The following AGMO variants were observed in gnomAD, a reference collection of about 807,000 sequenced individuals.
AGMO encodes the protein alkylglycerol monooxygenase.
Under a neutral mutation model 60.2 loss-of-function variants are expected in AGMO, and 75 were observed. The ratio of observed to expected loss-of-function variants is 1.25; its 90% CI spans 1.03 to 1.51. The LOEUF is 1.51. AGMO is among the 40% of genes most tolerant of loss of function. The pLI, the probability that AGMO is intolerant of heterozygous loss-of-function variation, is 0.00. For synonymous variants in AGMO, 261 were observed against 177.1 expected (o/e 1.47, Z -3.76); for missense variants, 763 against 525.5 (o/e 1.45, Z -4.42).
In AGMO at chr7:15,201,148, T is replaced by C. The variant is rs940662883; in HGVS notation, c.*137A>G. 1.9e-6 allele frequency: 1 copy of C among 535,656 alleles called. No individual in the cohort carries two copies. Among genetic ancestry groups the C allele is most frequent in the Non-Finnish European group, 3.0e-6 (1 of 328,304 alleles). 33.2% of individuals were successfully genotyped at this position (535,656 alleles called of 1,614,324 possible). A position where few individuals can be genotyped will look rare whatever the true frequency, so the allele number is the denominator to read the frequency against. On this transcript the variant is annotated 3_prime_UTR_variant, in exon 13 of 13. Transcript: ENST00000342526. ...AATAACAAATGTGAAAGGCAAACAA[T>C]AGTAAATAAGTAATTTTACTTTTCA...
Position 15,324,800 on chromosome 7 carries a change from C to T in AGMO, c.1263+40714G>A, listed in dbSNP as rs80100186. Reference sequence around the variant, plus strand: ...TGTGCATTTCACAATAGAGTTCGAGCTCCCATGAGAATCTAATGTCACCAC... The same window carrying T: ...TGTGCATTTCACAATAGAGTTCGAGTTCCCATGAGAATCTAATGTCACCAC... On this transcript the variant is annotated intron_variant, in intron 12 of 12. Coordinates refer to ENST00000342526, the MANE Select transcript of AGMO (RefSeq NM_001004320.2). Among the ~76,000 whole-genome samples the T allele has an allele frequency of 0.014, 2,070 of 152,160 alleles. 126 individuals are homozygous for T. The East Asian group carries it at 0.22, about 16-fold the overall frequency.
intron 3 of AGMO, among the ~76,000 whole-genome samples, chr7:15,473,833 G>C (rs937881026): frequency 5.3e-5 from 8 of 152,050 alleles, no homozygotes; most frequent in Admixed American, 2.0e-4. Context: ...AAAATCTTAA[G>C]CTGATAAGCA....
At chr7:15,226,121 A>C (rs1782073805) in intron 12 of AGMO, among the ~76,000 whole-genome samples, 1 of 151,946 alleles carries the variant, frequency 6.6e-6, no homozygotes, top group African/African-American at 2.4e-5. Context: ...AGCCTTTCTC[A>C]CCTTAGATTT....
chr7:15,150,470 T>C, the AGMO span, among the ~76,000 whole-genome samples: 1 of 152,150 alleles, frequency 6.6e-6, no homozygotes, highest in Non-Finnish European at 1.5e-5. Context: ...TATTTTGAGG[T>C]ATGTTCCTTC....
chr7:15,375,275 G>C (rs1010788925), intron 10 of AGMO, among the ~76,000 whole-genome samples: 1 of 151,114 alleles, frequency 6.6e-6, no homozygotes, highest in African/African-American at 2.4e-5. Flanking sequence ...TTCTTACTAA[G>C]AAACAAGTGG....
chr7:15,136,591 C>T, the AGMO span, among the ~76,000 whole-genome samples: 4 of 152,072 alleles, frequency 2.6e-5, no homozygotes, highest in African/African-American at 9.7e-5. Context: ...GGTCCAAAAT[C>T]TCAGTCTCTG....
At chr7:15,529,475 C>T (rs996502959) in intron 3 of AGMO, among the ~76,000 whole-genome samples, 2 of 140,030 alleles carry the variant, frequency 1.4e-5, no homozygotes, top group Admixed American at 7.8e-5. Flanking sequence ...TCAGGTTCTA[C>T]CCCCTAGAGA....
rs140041982 is a variant in AGMO at position 15,441,845 on chromosome 7, C to T, written c.410-10737G>A. The stretch of plus-strand genomic sequence containing the variant: ...ATAGAGAAAAAAAGAGCACTGAAAT[C>T]ACTAGGTAGAAAGTAACTGCAATCT... On this transcript the variant is annotated intron_variant, in intron 3 of 12. Coordinates refer to ENST00000342526, the MANE Select transcript of AGMO (RefSeq NM_001004320.2). Among the ~76,000 whole-genome samples the T allele has an allele frequency of 4.1e-3, 625 of 152,264 alleles. 1 individual carries two copies. Among genetic ancestry groups the T allele is most frequent in the African/African-American group, 0.015 (606 of 41,546 alleles).
Position 15,270,524 on chromosome 7 carries a change from T to A in AGMO, c.1264-69165A>T, listed in dbSNP as rs188910566. On this transcript the variant is annotated intron_variant, in intron 12 of 12. Coordinates refer to ENST00000342526, the MANE Select transcript of AGMO (RefSeq NM_001004320.2). The stretch of plus-strand genomic sequence containing the variant: ...GTTCCTCACATATTCTGGATATTAG[T>A]CCTTTGTTGCAAGCATAATTTGCAA... 1.1e-4 allele frequency among the ~76,000 whole-genome samples: 17 copies of A among 151,316 alleles called. 1 individual carries two copies. In the East Asian group the frequency reaches 3.3e-3, roughly 29 times the overall value.
At chr7:15,271,297 T>A (rs1168408961) in intron 12 of AGMO, among the ~76,000 whole-genome samples, 1 of 152,136 alleles carries the variant, frequency 6.6e-6, no homozygotes, top group Non-Finnish European at 1.5e-5. Flanking sequence ...TTCCATCCCA[T>A]CATATGGGAT....
chr7:15,181,244 C>T, the AGMO span, among the ~76,000 whole-genome samples: 1 of 152,294 alleles, frequency 6.6e-6, no homozygotes, highest in East Asian at 1.9e-4. Flanking sequence ...AAGGAGGTAT[C>T]ATCTGGCTAT....
intron 3 of AGMO, among the ~76,000 whole-genome samples, chr7:15,529,764 TTCTC>T (rs1396079391): frequency 1.7e-5 from 2 of 115,398 alleles, no homozygotes; most frequent in African/African-American, 3.5e-5. Context: ...ATATATATAT[TTCTC>T]TATATATATT....
chr7:15,232,801 GCA>G (rs71004371), intron 12 of AGMO, among the ~76,000 whole-genome samples: 22,995 of 146,928 alleles, frequency 0.16, 2,307 homozygotes, highest in African/African-American at 0.29. Context: ...ACACACACAC[GCA>G]CACACACACA....
At chr7:15,307,960 G>T (rs1780662996) in intron 12 of AGMO, among the ~76,000 whole-genome samples, 1 of 151,798 alleles carries the variant, frequency 6.6e-6, no homozygotes, top group Admixed American at 6.6e-5. Flanking sequence ...AGTTCCTAAC[G>T]CCTAATGGTT....
chr7:15,145,758 A>T, the AGMO span, among the ~76,000 whole-genome samples: 1 of 152,168 alleles, frequency 6.6e-6, no homozygotes, highest in Non-Finnish European at 1.5e-5. Flanking sequence ...TTTTGAGGAT[A>T]TTCTGTAACA....
At position 15,418,570 on chromosome 7, in the gene AGMO, C is replaced by G; in HGVS notation, c.597G>C (p.Trp199Cys). 1 of 1,586,796 alleles carries G rather than the reference C, an allele frequency of 6.3e-7. No homozygotes were observed. The highest frequency in any genetic ancestry group is 8.6e-7 in the Non-Finnish European group (1 of 1,167,434). Residue 199 changes from tryptophan to cysteine, a missense_variant, in exon 5 of 13, where the codon TGG becomes TGC. By Grantham distance (215) the Trp-to-Cys change is radical (BLOSUM62 -2). Transcript: ENST00000342526. ...AAAAAAGTTTTACCTCTGTATGGAT[C>G]CAAAATTGGTAAAGAAGATTGAATT... The part of the protein sequence containing the change: ...HLQFNLLYQF[W>C]IHTEVINNLG...
At chr7:15,271,325 T>C (rs915233103) in intron 12 of AGMO, among the ~76,000 whole-genome samples, 8 of 152,184 alleles carry the variant, frequency 5.3e-5, no homozygotes, top group Admixed American at 5.2e-4. Flanking sequence ...CATTTGTTTA[T>C]GTCATCTGCA....
At chr7:15,335,403 T>G (rs1313963293) in intron 12 of AGMO, among the ~76,000 whole-genome samples, 1 of 152,188 alleles carries the variant, frequency 6.6e-6, no homozygotes, top group Admixed American at 6.5e-5. Flanking sequence ...GTGATCTAAG[T>G]GGAAATATTT....
intron 12 of AGMO, among the ~76,000 whole-genome samples, chr7:15,336,519 C>T (rs981985261): frequency 2.0e-5 from 3 of 152,050 alleles, no homozygotes; most frequent in African/African-American, 7.2e-5. Context: ...TGTAGAAGGA[C>T]TGCTGTTGAA....
Sources: gnomAD v4.1 joint callset for allele counts (sites outside exome capture counted in the v4.1 genomes callset) on GRCh38, gnomAD v4.1.1 for gene constraint, MANE v1.5 for transcripts, NCBI Gene and HGNC (gene_info 2026-07-23, HGNC 2026-07-21) for gene names.